MGLL: variants seen among roughly 807,000 people sequenced by gnomAD.
MGLL encodes the protein monoglyceride lipase, also known as lysophospholipase homolog.
In MGLL, 7 loss-of-function variants were observed where a neutral mutation model predicts 29.1. The ratio of observed to expected loss-of-function variants is 0.24; its 90% CI spans 0.14 to 0.45. The LOEUF (loss-of-function observed/expected upper bound fraction) is 0.45, where lower values mean the gene tolerates loss of function less well. Ranked by LOEUF, MGLL falls within the 20% of genes least tolerant of loss-of-function variation. The pLI is 0.99. For synonymous variants in MGLL, 148 were observed against 168.3 expected (o/e 0.88, Z 0.93); for missense variants, 356 against 413.6 (o/e 0.86, Z 1.21).
At chr3:127,700,975 G>C (rs1251529266) in intron 6 of MGLL, among the ~76,000 whole-genome samples, 1 of 152,140 alleles carries the variant, frequency 6.6e-6, no homozygotes, top group African/African-American at 2.4e-5. Context: ...AGCACTTTGG[G>C]AGGACAAGGT....
At chr3:127,819,391 C>T (rs909870688) in intron 2 of MGLL, among the ~76,000 whole-genome samples, 3 of 152,160 alleles carry the variant, frequency 2.0e-5, no homozygotes, top group Non-Finnish European at 4.4e-5. Flanking sequence ...CACAGGCCCC[C>T]GGGGTGGCTT....
intron 1 of MGLL, 115 bp from the exon 2 acceptor site, chr3:127,821,953 C>T (rs1415447779): frequency 1.7e-6 from 2 of 1,168,578 alleles, no homozygotes; most frequent in Admixed American, 2.6e-5. Context: ...GTTTAAAAAA[C>T]CCCTCTGTTT....
chr3:127,766,155 C>T (rs1297987667), intron 3 of MGLL, among the ~76,000 whole-genome samples: 1 of 152,092 alleles, frequency 6.6e-6, no homozygotes, highest in Non-Finnish European at 1.5e-5. Context: ...TCTGGGCCCT[C>T]TCTCCCTCTC....
At chr3:127,728,962 C>G (rs2076096027) in intron 3 of MGLL, among the ~76,000 whole-genome samples, 1 of 152,022 alleles carries the variant, frequency 6.6e-6, no homozygotes, top group Non-Finnish European at 1.5e-5. Context: ...TTTTAAGAGC[C>G]ATTACTTCTT....
At chr3:127,718,884 T>G (rs1306837487) in intron 5 of MGLL, among the ~76,000 whole-genome samples, 1 of 152,198 alleles carries the variant, frequency 6.6e-6, no homozygotes, top group Non-Finnish European at 1.5e-5. Flanking sequence ...TCAGGAAGGT[T>G]GTCAGACCAG....
In MGLL at chr3:127,781,851, C is replaced by G. The variant is rs1485205623; in HGVS notation, c.200G>C (p.Arg67Pro). The stretch of plus-strand genomic sequence containing the variant: ...CAGCATCCGAGCCAGCTCTTCATAG[C>G]GGCCACTGTGCTCTCCGGCTCCATG... ...VSHGAGEHSG[R>P]YEELARMLMG... The change falls in exon 3 of 8, where the codon CGC becomes CCC. Residue 67 changes from arginine (R) to proline (P), a missense_variant. Physicochemically the swap from Arg to Pro is moderately radical, Grantham distance 103. Coordinates refer to ENST00000265052, the MANE Select transcript of MGLL (RefSeq NM_007283.7). 1.2e-6 allele frequency: 2 copies of G among 1,614,092 alleles called. No individual in the cohort carries two copies. The highest frequency in any genetic ancestry group is 1.7e-6 in the Non-Finnish European group (2 of 1,180,010).
At position 127,694,282 on chromosome 3, in the gene MGLL, A is replaced by T. The variant is rs1322942789; in HGVS notation, c.816+693T>A. 4.8e-4 allele frequency among the ~76,000 whole-genome samples: 55 copies of T among 114,898 alleles called. 1 individual carries two copies. Among genetic ancestry groups the T allele is most frequent in the African/African-American group, 1.7e-3 (54 of 31,640 alleles). The allele number at this position is 114,898 out of a possible 152,430, so 75.4% of individuals were successfully genotyped here. On this transcript the variant is annotated intron_variant, in intron 7 of 7. Coordinates refer to ENST00000265052, the MANE Select transcript of MGLL (RefSeq NM_007283.7). ...GATACTCTGTCTGAAAAAAAAAAAA[A>T]AAAAATATATATATATATATATATA...
At chr3:127,754,769 G>T (rs2076629123) in intron 3 of MGLL, among the ~76,000 whole-genome samples, 2 of 152,216 alleles carry the variant, frequency 1.3e-5, no homozygotes, top group South Asian at 4.1e-4. Context: ...GCCTTCCCGT[G>T]TGCCTCCCCC....
chr3:127,801,105 C>T (rs1352592794), intron 2 of MGLL, among the ~76,000 whole-genome samples: 2 of 151,464 alleles, frequency 1.3e-5, no homozygotes, highest in Non-Finnish European at 2.9e-5. Context: ...AGTTCTAGAC[C>T]AGCCTGACTA....
chr3:127,808,457 T>C (rs1306431940), intron 2 of MGLL, among the ~76,000 whole-genome samples: 1 of 152,206 alleles, frequency 6.6e-6, no homozygotes, highest in Non-Finnish European at 1.5e-5. Context: ...GGAAGTCTTA[T>C]TGATCACTGA....
In MGLL at chr3:127,722,534, C is replaced by A. The variant is rs779882249; in HGVS notation, c.295G>T (p.Val99Leu). The A allele has an allele frequency of 2.5e-6, 4 of 1,614,216 alleles. No individual in the cohort carries two copies. The South Asian group carries it at 3.3e-5, about 13-fold the overall frequency. ...GHGQSEGERM[V>L]VSDFHVFVRD... ...ACGAAAACGTGGAAGTCAGACACTA[C>A]CATCCTCTCCCCTTCGCTCTGTCCG... Residue 99 changes from valine to leucine, a missense_variant, in exon 4 of 8, where the codon GTA becomes TTA. Coordinates refer to ENST00000265052, the MANE Select transcript of MGLL (RefSeq NM_007283.7).
intron 3 of MGLL, among the ~76,000 whole-genome samples, chr3:127,743,312 G>A (rs1441451832): frequency 6.6e-6 from 1 of 151,934 alleles, no homozygotes; most frequent in Non-Finnish European, 1.5e-5. Flanking sequence ...CCTACTTCAG[G>A]CTGCAACTTG....
At chr3:127,791,671 T>C (rs1302134758) in intron 2 of MGLL, among the ~76,000 whole-genome samples, 1 of 152,246 alleles carries the variant, frequency 6.6e-6, no homozygotes, top group Non-Finnish European at 1.5e-5. Flanking sequence ...TTTTAAACTC[T>C]TGAGGCCCGG....
intron 6 of MGLL, among the ~76,000 whole-genome samples, chr3:127,700,130 C>T (rs114167040): frequency 1.8e-4 from 28 of 152,320 alleles, no homozygotes; most frequent in African/African-American, 5.8e-4. Context: ...ACAGGGAACT[C>T]GGATAGCCTT....
chr3:127,691,802 T>G lies in MGLL; in HGVS notation c.*396A>C. 3.7e-6 allele frequency: 1 copy of G among 273,378 alleles called. No homozygotes were observed. The highest frequency in any genetic ancestry group is 7.1e-6 in the Non-Finnish European group (1 of 140,218). The allele number at this position is 273,378 out of a possible 1,614,324, so 16.9% of individuals were successfully genotyped here. ...GCTGGTCAGAGAGGGCGCTGGGGCGTGAGCGAAGGGTGGGCAGGAAGGAGG... is the reference window on the plus strand; with the variant it reads ...GCTGGTCAGAGAGGGCGCTGGGGCGGGAGCGAAGGGTGGGCAGGAAGGAGG... On this transcript the variant is annotated 3_prime_UTR_variant, in exon 8 of 8. Transcript: ENST00000265052.
chr3:127,697,977 C>T (rs2075405650), intron 6 of MGLL, among the ~76,000 whole-genome samples: 1 of 152,224 alleles, frequency 6.6e-6, no homozygotes, highest in Non-Finnish European at 1.5e-5. Flanking sequence ...AGCAGGCCTG[C>T]TGCTTTGCCC....
In MGLL at chr3:127,811,864, C is replaced by A. The variant is rs112975097; in HGVS notation, c.155+9830G>T. ...AGCTGGCCTGCCAGTGCCTGCTGATCCACAACTGACCATTGATACATGCAG... is the reference window on the plus strand; with the variant it reads ...AGCTGGCCTGCCAGTGCCTGCTGATACACAACTGACCATTGATACATGCAG... On this transcript the variant is annotated intron_variant, in intron 2 of 7. Coordinates refer to ENST00000265052, the MANE Select transcript of MGLL (RefSeq NM_007283.7). Among the ~76,000 whole-genome samples the A allele has an allele frequency of 3.1e-3, 471 of 152,388 alleles. 3 individuals carry two copies. Among genetic ancestry groups the A allele is most frequent in the African/African-American group, 0.01 (434 of 41,598 alleles).
At chr3:127,713,720 C>CTG (rs1559916407) in intron 5 of MGLL, 1 of 152,254 alleles carries the variant, frequency 6.6e-6, no homozygotes, top group Non-Finnish European at 1.5e-5. Context: ...GGTGCCAGTC[C>CTG]ATCTTCAGGA....
intron 3 of MGLL, among the ~76,000 whole-genome samples, chr3:127,750,800 A>G (rs1209576771): frequency 6.6e-6 from 1 of 152,240 alleles, no homozygotes; most frequent in Non-Finnish European, 1.5e-5. Context: ...CCTACCCCCA[A>G]ACTGCAACTG....
Sources: allele counts gnomAD v4.1 joint callset (sites outside exome capture counted in the v4.1 genomes callset), GRCh38; gene constraint gnomAD v4.1.1; transcripts MANE v1.5; gene names NCBI Gene and HGNC (gene_info 2026-07-23, HGNC 2026-07-21).